EXOSC7: variants seen among roughly 807,000 people sequenced by gnomAD.
The protein encoded by EXOSC7 is exosome component 7.
A neutral mutation model predicts 34.3 loss-of-function variants in EXOSC7; 25 were observed. The ratio of observed to expected loss-of-function variants is 0.73; its 90% CI spans 0.53 to 1.02. The LOEUF (loss-of-function observed/expected upper bound fraction) is 1.02, where lower values mean the gene tolerates loss of function less well. EXOSC7 is among the 50% of genes least tolerant of loss of function. The pLI, the probability that EXOSC7 is intolerant of heterozygous loss-of-function variation, is 0.00. For missense variants in EXOSC7, 370 were observed against 368.5 expected (o/e 1.00, Z -0.03); for synonymous variants, 130 against 143.0 (o/e 0.91, Z 0.65).
chr3:45,001,577 A>G lies in EXOSC7; in HGVS notation c.460A>G (p.Ile154Val). 6.2e-7 allele frequency: 1 copy of G among 1,613,434 alleles called. No individual in the cohort carries two copies. The highest frequency in any genetic ancestry group is 8.5e-7 in the Non-Finnish European group (1 of 1,179,656). Residue 154 changes from isoleucine (I) to valine (V), a missense_variant, in exon 5 of 8, where the codon ATT becomes GTT. Around this residue, in one of 3 missense-constraint regions of EXOSC7, gnomAD observed 255 missense variants for 246.4 expected, o/e 1.03. Transcript: ENST00000265564. ...CGGNLFDAIS[I>V]AVKAALFNTR... ...TGGAAATTTGTTTGATGCCATTTCC[A>G]TTGCTGTAAAGGCTGCTCTCTTCAA...
chr3:44,986,922 GTTTTA>G (rs1706435366), intron 1 of EXOSC7, among the ~76,000 whole-genome samples: 2 of 152,064 alleles, frequency 1.3e-5, no homozygotes, highest in Admixed American at 6.5e-5. Flanking sequence ...TTAGAGCAGT[GTTTTA>G]TTTTATTTTT....
Position 44,976,254 on chromosome 3 carries a change from C to A in EXOSC7, c.-24C>A, listed in dbSNP as rs765609131. 1.0e-5 allele frequency: 16 copies of A among 1,534,032 alleles called. No homozygotes were observed. Among genetic ancestry groups the A allele is most frequent in the East Asian group, 5.4e-5 (2 of 37,086 alleles). ...GGAGGGGACGCGCGCAGATGACGTG[C>A]GGCTCGTGGGGCAGCTCGGCAGCAT... On this transcript the variant is annotated 5_prime_UTR_variant, in exon 1 of 8. An upstream open reading frame in the 5' UTR gains an earlier in-frame stop. Transcript: ENST00000265564.
rs149991805 is a variant in EXOSC7 at position 44,977,865 on chromosome 3, G to A, written c.57+1531G>A. ...TTTCATCCCTGAAAGTGGCACTGAGGCATGGATATATCTGTAACCTCAAGG... is the reference window on the plus strand; with the variant it reads ...TTTCATCCCTGAAAGTGGCACTGAGACATGGATATATCTGTAACCTCAAGG... On this transcript the variant is annotated intron_variant, in intron 1 of 7. Coordinates refer to ENST00000265564, the MANE Select transcript of EXOSC7 (RefSeq NM_015004.4). Among the ~76,000 whole-genome samples, 29 of 152,302 alleles carry A rather than the reference G, an allele frequency of 1.9e-4. No individual in the cohort carries two copies. The East Asian group carries it at 5.6e-3, about 29-fold the overall frequency.
intron 7 of EXOSC7, among the ~76,000 whole-genome samples, chr3:45,010,943 A>C (rs2125975533): frequency 6.6e-6 from 1 of 152,346 alleles, no homozygotes; most frequent in East Asian, 1.9e-4. Flanking sequence ...AGGATAGTGA[A>C]GCATGAGCTA....
intron 6 of EXOSC7, among the ~76,000 whole-genome samples, chr3:45,006,795 A>G (rs78944304): frequency 0.12 from 14,447 of 124,558 alleles, 778 homozygotes; most frequent in Middle Eastern, 0.22. Context: ...CTCTGCTGCA[A>G]CCCCCCCACC....
intron 3 of EXOSC7, among the ~76,000 whole-genome samples, chr3:44,990,851 C>T (rs916834429): frequency 3.9e-5 from 6 of 152,186 alleles, no homozygotes; most frequent in African/African-American, 1.4e-4. Flanking sequence ...GCCAGGTTCC[C>T]GGATGCCAGC....
intron 3 of EXOSC7, among the ~76,000 whole-genome samples, chr3:44,996,102 C>T (rs1310777811): frequency 2.0e-5 from 3 of 152,180 alleles, no homozygotes; most frequent in Non-Finnish European, 4.4e-5. Flanking sequence ...CACTTAGTCT[C>T]TAGGTCTCTG....
intron 4 of EXOSC7, among the ~76,000 whole-genome samples, chr3:44,998,821 A>G (rs189578792): frequency 6.6e-5 from 10 of 152,094 alleles, no homozygotes; most frequent in South Asian, 2.1e-4. Flanking sequence ...TAAGTTGGCA[A>G]TTTTTCAGGT....
At chr3:44,996,389 A>AT (rs1706722920) in intron 3 of EXOSC7, among the ~76,000 whole-genome samples, 2 of 152,232 alleles carry the variant, frequency 1.3e-5, no homozygotes, top group Admixed American at 1.3e-4. Context: ...GTTATTGGGC[A>AT]TAAATATCAA....
rs551513158 is a variant in EXOSC7 at position 45,001,151 on chromosome 3, A to C, written c.421-387A>C. On this transcript the variant is annotated intron_variant, in intron 4 of 7. Transcript: ENST00000265564. The stretch of plus-strand genomic sequence containing the variant: ...GACCACAGAATAGATTTAGGGAAAG[A>C]AAAAAAAAAATCGGTGTCCTGGCCG... Among the ~76,000 whole-genome samples, 12 of 148,714 alleles carry C rather than the reference A, an allele frequency of 8.1e-5. No homozygotes were observed. The South Asian group carries it at 2.4e-3, about 29-fold the overall frequency.
intron 1 of EXOSC7, among the ~76,000 whole-genome samples, chr3:44,982,035 T>G (rs1391420003): frequency 6.6e-6 from 1 of 152,192 alleles, no homozygotes; most frequent in Non-Finnish European, 1.5e-5. Flanking sequence ...ACATCTCTGC[T>G]TTTCTCTGCC....
intron 3 of EXOSC7, among the ~76,000 whole-genome samples, chr3:44,995,507 G>A (rs574419406): frequency 6.6e-6 from 1 of 152,316 alleles, no homozygotes; most frequent in South Asian, 2.1e-4. Context: ...GTATTTTTAA[G>A]CACTTAAGAC....
At chr3:44,994,360 C>T (rs1013689629) in intron 3 of EXOSC7, among the ~76,000 whole-genome samples, 7 of 149,524 alleles carry the variant, frequency 4.7e-5, no homozygotes, top group African/African-American at 1.7e-4. Flanking sequence ...ATTTTTGTTT[C>T]ATGTAGGGAT....
chr3:44,987,093 A>T (rs1299642221), intron 1 of EXOSC7, among the ~76,000 whole-genome samples: 8 of 123,630 alleles, frequency 6.5e-5, no homozygotes, highest in Admixed American at 6.2e-4. Flanking sequence ...GTTAAGTGTT[A>T]AAAAAAAAAA....
intron 3 of EXOSC7, among the ~76,000 whole-genome samples, chr3:44,991,367 T>C (rs1706568217): frequency 6.6e-6 from 1 of 152,242 alleles, no homozygotes; most frequent in African/African-American, 2.4e-5. Flanking sequence ...CCCCAACTTA[T>C]CTTTTCCTTT....
chr3:44,991,424 T>C (rs980882063), intron 3 of EXOSC7, among the ~76,000 whole-genome samples: 1 of 152,236 alleles, frequency 6.6e-6, no homozygotes, highest in Non-Finnish European at 1.5e-5. Flanking sequence ...ATCTGCCTAA[T>C]TCAATGCAGT....
intron 1 of EXOSC7, among the ~76,000 whole-genome samples, chr3:44,984,563 G>T (rs1324519892): frequency 6.6e-6 from 1 of 152,112 alleles, no homozygotes; most frequent in African/African-American, 2.4e-5. Context: ...GAGTCCTTTT[G>T]TAAAGTGAAG....
Position 45,005,306 on chromosome 3 carries a change from A to C in EXOSC7, c.507A>C (p.Arg169=). The change falls in exon 6 of 8, where the codon CGA becomes CGC. Residue 169 remains arginine (R), a synonymous_variant. Transcript: ENST00000265564. ...ALFNTRIPRV[R]VLEDEEGSKD... ...CTGCTTCCAGGATACCAAGGGTTCG[A>C]GTTTTGGAGGATGAAGAGGGGTCGA... 10 of 1,614,116 alleles carry C rather than the reference A, an allele frequency of 6.2e-6. No homozygotes were observed. The highest frequency in any genetic ancestry group is 1.3e-5 in the African/African-American group (1 of 75,036).
chr3:45,001,764 A>G, intron 5 of EXOSC7, 156 bp downstream of exon 5: 2 of 606,840 alleles, frequency 3.3e-6, no homozygotes, highest in Non-Finnish European at 5.9e-6. Flanking sequence ...ACTCCAGAAA[A>G]GATAGATTTC....
Sources: gnomAD v4.1 joint callset for allele counts (sites outside exome capture counted in the v4.1 genomes callset) on GRCh38, gnomAD v4.1.1 for gene constraint, gnomAD v4.1.1 regional missense constraint, MANE v1.5 for transcripts, NCBI Gene and HGNC (gene_info 2026-07-23, HGNC 2026-07-21) for gene names.